The following FRMD4A variants were observed in gnomAD, a reference collection of about 807,000 sequenced individuals.
FRMD4A encodes FERM domain-containing protein 4A.
A neutral mutation model predicts 129.1 loss-of-function variants in FRMD4A; 29 were observed. The ratio of observed to expected loss-of-function variants is 0.22; its 90% CI spans 0.17 to 0.31. FRMD4A has a LOEUF of 0.31. Among genes scored for constraint, FRMD4A ranks in the 10% least tolerant of loss-of-function variants. The pLI, the probability that FRMD4A is intolerant of heterozygous loss-of-function variation, is 1.00. For missense variants in FRMD4A, 1,272 were observed against 1,375.8 expected, an observed-to-expected ratio of 0.92 and a Z score of 1.19; for synonymous variants, 634 against 571.6, an observed-to-expected ratio of 1.11 and a Z score of -1.56.
At chr10:13,834,752 C>T (rs923700880) in intron 3 of FRMD4A, among the ~76,000 whole-genome samples, 3 of 152,110 alleles carry the variant, frequency 2.0e-5, no homozygotes, top group Admixed American at 2.0e-4. Context: ...GCCTGTGTTG[C>T]CATGGGACAC....
At position 13,891,825 on chromosome 10, in the gene FRMD4A, C is replaced by A. The variant is rs904518791; in HGVS notation, c.46-32913G>T. The A allele has an allele frequency of 4.0e-5, 32 of 807,794 alleles. No homozygotes were observed. The African/African-American group carries it at 5.8e-4, about 15-fold the overall frequency. The allele number at this position is 807,794 out of a possible 1,614,324, so 50.0% of individuals were successfully genotyped here. ...GGCGTCAGCCCATAGCCCGCTCGCG[C>A]CTCTCGCGCCGAGCCTGGCCCGGCG... On this transcript the variant is annotated intron_variant, in intron 2 of 24. Coordinates refer to ENST00000357447, the MANE Select transcript of FRMD4A (RefSeq NM_018027.5).
chr10:13,851,183 C>T (rs1027730123), intron 3 of FRMD4A, among the ~76,000 whole-genome samples: 12 of 152,292 alleles, frequency 7.9e-5, no homozygotes, highest in African/African-American at 2.9e-4. Context: ...CACTGCACTC[C>T]AGCCTGGGCG....
intron 2 of FRMD4A, among the ~76,000 whole-genome samples, chr10:14,275,403 C>T (rs1215902196): frequency 1.3e-5 from 2 of 152,206 alleles, no homozygotes; most frequent in Non-Finnish European, 2.9e-5. Flanking sequence ...GTATCGCAAC[C>T]TTATCTTTCC....
chr10:13,945,570 T>A (rs567228514), intron 2 of FRMD4A, among the ~76,000 whole-genome samples: 1 of 152,276 alleles, frequency 6.6e-6, no homozygotes, highest in African/African-American at 2.4e-5. Context: ...GTCGTAAAGT[T>A]TCAGATGTCT....
chr10:14,008,553 C>T (rs750735392), intron 2 of FRMD4A: 6 of 969,858 alleles, frequency 6.2e-6, no homozygotes, highest in Non-Finnish European at 3.7e-6. Context: ...GGTCAGTTGT[C>T]TAATCAAAGC....
intron 2 of FRMD4A, among the ~76,000 whole-genome samples, chr10:14,055,291 G>T (rs1834455771): frequency 6.6e-6 from 1 of 152,142 alleles, no homozygotes; most frequent in Non-Finnish European, 1.5e-5. Flanking sequence ...ATATGCTTTG[G>T]TGGATCTGGT....
intron 2 of FRMD4A, among the ~76,000 whole-genome samples, chr10:14,313,190 C>T (rs1564458074): frequency 6.7e-6 from 1 of 148,382 alleles, no homozygotes; most frequent in Admixed American, 6.7e-5. Flanking sequence ...TCATTTCTAC[C>T]AAAAAAAAAA....
At chr10:14,164,027 C>T (rs983580688) in intron 2 of FRMD4A, among the ~76,000 whole-genome samples, 1 of 152,196 alleles carries the variant, frequency 6.6e-6, no homozygotes, top group Non-Finnish European at 1.5e-5. Flanking sequence ...TTTTCTCATT[C>T]CTCAGGGCCA....
At chr10:14,327,109 C>A (rs1843309007) in intron 2 of FRMD4A, 3 of 396,814 alleles carry the variant, frequency 7.6e-6, no homozygotes, top group South Asian at 1.4e-4. Context: ...CGCAACCCAG[C>A]CCTAGCTTGA....
At chr10:14,297,187 C>G (rs1050901390) in intron 2 of FRMD4A, among the ~76,000 whole-genome samples, 4 of 151,688 alleles carry the variant, frequency 2.6e-5, no homozygotes, top group African/African-American at 9.7e-5. Flanking sequence ...GAAGAACATG[C>G]CTATCACTCA....
intron 2 of FRMD4A, among the ~76,000 whole-genome samples, chr10:14,243,988 T>C (rs1844147543): frequency 6.6e-6 from 1 of 152,190 alleles, no homozygotes; most frequent in Non-Finnish European, 1.5e-5. Flanking sequence ...TCTTTATCAA[T>C]GAATGTACAC....
chr10:13,908,858 C>T (rs2094910686), intron 2 of FRMD4A, among the ~76,000 whole-genome samples: 1 of 152,142 alleles, frequency 6.6e-6, no homozygotes, highest in Non-Finnish European at 1.5e-5. Flanking sequence ...AAGTATACCC[C>T]CAAGTGCTAT....
chr10:14,075,018 A>G (rs1186029461), intron 2 of FRMD4A, among the ~76,000 whole-genome samples: 3 of 151,716 alleles, frequency 2.0e-5, no homozygotes, highest in Non-Finnish European at 2.9e-5. Context: ...AGAATCAAAG[A>G]AAGATGTCCT....
chr10:13,728,169 T>C (rs891856599), intron 12 of FRMD4A, among the ~76,000 whole-genome samples: 1 of 152,228 alleles, frequency 6.6e-6, no homozygotes, highest in African/African-American at 2.4e-5. Context: ...TTGTCTGTAA[T>C]TGGAAATGCC....
chr10:13,653,427 A>C (rs2081850042), intron 23 of FRMD4A: 1 of 152,292 alleles, frequency 6.6e-6, no homozygotes, highest in Non-Finnish European at 1.5e-5. Flanking sequence ...AATCACTTGA[A>C]CCATGGAGGT....
intron 2 of FRMD4A, among the ~76,000 whole-genome samples, chr10:14,286,594 G>T (rs1176601157): frequency 6.6e-6 from 1 of 152,096 alleles, no homozygotes; most frequent in Non-Finnish European, 1.5e-5. Flanking sequence ...ATAACACCCT[G>T]GAAGTCAAAC....
intron 2 of FRMD4A, among the ~76,000 whole-genome samples, chr10:13,992,483 C>A (rs2095606723): frequency 6.6e-6 from 1 of 152,296 alleles, no homozygotes; most frequent in East Asian, 1.9e-4. Context: ...AGTCTCGGGT[C>A]ACATGGCCAG....
chr10:14,148,667 C>G (rs891183417), intron 2 of FRMD4A, among the ~76,000 whole-genome samples: 12 of 151,652 alleles, frequency 7.9e-5, no homozygotes, highest in African/African-American at 2.9e-4. Context: ...GGAGGCTGAG[C>G]AGGAGAATCC....
intron 2 of FRMD4A, among the ~76,000 whole-genome samples, chr10:14,011,346 G>C (rs575592869): frequency 6.6e-6 from 1 of 152,292 alleles, no homozygotes; most frequent in South Asian, 2.1e-4. Flanking sequence ...AACCACAAAG[G>C]GGGAGGCAGG....
Sources: gnomAD v4.1 joint callset for allele counts (sites outside exome capture counted in the v4.1 genomes callset) on GRCh38, gnomAD v4.1.1 for gene constraint, MANE v1.5 for transcripts, NCBI Gene and HGNC (gene_info 2026-07-23, HGNC 2026-07-21) for gene names.